Variants in SERPINI1 observed in about 807,000 individuals in gnomAD.
SERPINI1 encodes serpin family I member 1.
In SERPINI1, 19 loss-of-function variants were observed where a neutral mutation model predicts 41.1. The ratio of observed to expected loss-of-function variants is 0.46; its 90% CI spans 0.32 to 0.68. The LOEUF is 0.68. SERPINI1 is among the 30% of genes least tolerant of loss of function. The probability of loss-of-function intolerance (pLI) is 0.03; values close to 1 mark genes in which losing one functional copy is unlikely to be tolerated. For missense variants in SERPINI1, 460 were observed against 479.2 expected, an observed-to-expected ratio of 0.96 and a Z score of 0.37; for synonymous variants, 138 against 156.6, an observed-to-expected ratio of 0.88 and a Z score of 0.89.
chr3:167,766,224 T>TAA (rs34346585), intron 1 of SERPINI1, among the ~76,000 whole-genome samples: 4,459 of 126,058 alleles, frequency 0.035, 141 homozygotes, highest in African/African-American at 0.087. Context: ...GCAATTTACC[T>TAA]AAAAAAAAAA....
chr3:167,817,484 A>G (rs1272164821), intron 6 of SERPINI1, among the ~76,000 whole-genome samples: 3 of 152,102 alleles, frequency 2.0e-5, no homozygotes, highest in Admixed American at 2.0e-4. Flanking sequence ...GGAGTCTTTA[A>G]TTTCAAGGAT....
At chr3:167,794,959 C>T in intron 5 of SERPINI1, 135 bp downstream of exon 5, 1 of 708,962 alleles carries the variant, frequency 1.4e-6, no homozygotes, top group East Asian at 2.7e-5. Flanking sequence ...TGTTCTTCTC[C>T]TTCTCTTTCT....
Position 167,744,457 on chromosome 3 carries a change from G to A in SERPINI1, c.-19+8634G>A, listed in dbSNP as rs1725779585. ...AAAATAATGTTCAGGACACTAGGAA[G>A]GGTATCATCTAATTGTGAGAAATTT... is the stretch of plus-strand genomic sequence containing the variant. On this transcript the variant is annotated intron_variant, in intron 1 of 8. Transcript: ENST00000446050. Among the ~76,000 whole-genome samples, 3 of 151,078 alleles carry A rather than the reference G, an allele frequency of 2.0e-5. No individual in the cohort carries two copies. The South Asian group carries it at 6.2e-4, about 31-fold the overall frequency.
intron 5 of SERPINI1, among the ~76,000 whole-genome samples, chr3:167,802,432 A>G (rs1727930284): frequency 6.6e-6 from 1 of 150,646 alleles, no homozygotes; most frequent in Admixed American, 6.6e-5. Flanking sequence ...ATTTACAAGA[A>G]AAAAACAAAC....
chr3:167,772,388 G>A (rs1352935908), intron 1 of SERPINI1, among the ~76,000 whole-genome samples: 1 of 152,134 alleles, frequency 6.6e-6, no homozygotes, highest in Non-Finnish European at 1.5e-5. Flanking sequence ...TACTAGAAGT[G>A]AGGAAATGTG....
At chr3:167,812,256 T>C (rs746319004) in intron 6 of SERPINI1, among the ~76,000 whole-genome samples, 6 of 152,228 alleles carry the variant, frequency 3.9e-5, no homozygotes, top group Non-Finnish European at 7.3e-5. Flanking sequence ...TTCCAGTTCC[T>C]GTTCAAAGCC....
chr3:167,800,577 A>G (rs573678312), intron 5 of SERPINI1, among the ~76,000 whole-genome samples: 118 of 152,298 alleles, frequency 7.7e-4, no homozygotes, highest in Middle Eastern at 6.8e-3. Context: ...TTGGAAGCAG[A>G]TGTACCTTGC....
chr3:167,744,136 T>A (rs180825491), intron 1 of SERPINI1, among the ~76,000 whole-genome samples: 1 of 152,234 alleles, frequency 6.6e-6, no homozygotes, highest in East Asian at 1.9e-4. Flanking sequence ...CAGACAAAAC[T>A]GAGTTCAAAT....
chr3:167,789,048 C>T, intron 1 of SERPINI1, 63 bp from the exon 2 acceptor site: 1 of 1,510,370 alleles, frequency 6.6e-7, no homozygotes, highest in South Asian at 1.1e-5. Flanking sequence ...CCCAACATAT[C>T]CTTCCATGAG....
chr3:167,769,496 G>A (rs1726673749), intron 1 of SERPINI1, among the ~76,000 whole-genome samples: 1 of 152,122 alleles, frequency 6.6e-6, no homozygotes, highest in Non-Finnish European at 1.5e-5. Flanking sequence ...TAAAGTTTGT[G>A]CTTATTCTAG....
intron 6 of SERPINI1, among the ~76,000 whole-genome samples, chr3:167,819,205 A>C (rs1387630549): frequency 6.6e-6 from 1 of 152,064 alleles, no homozygotes; most frequent in African/African-American, 2.4e-5. Flanking sequence ...ATAGAGATGA[A>C]GTCTCACTAT....
In SERPINI1 at chr3:167,786,365, G is replaced by A. The variant is rs181777651; in HGVS notation, c.-18-2746G>A. ...TAAAAATACAAAAAAAAAATTAGCC[G>A]GGCGTTGTGGCAGGCGCCTGTAGTC... On this transcript the variant is annotated intron_variant, in intron 1 of 8. Coordinates refer to ENST00000446050, the MANE Select transcript of SERPINI1 (RefSeq NM_001122752.2). Among the ~76,000 whole-genome samples, 316 of 152,102 alleles carry A rather than the reference G, an allele frequency of 2.1e-3. 1 individual carries two copies. The highest frequency in any genetic ancestry group is 7.1e-3 in the African/African-American group (295 of 41,488).
At chr3:167,798,095 G>T (rs1404115011) in intron 5 of SERPINI1, among the ~76,000 whole-genome samples, 1 of 152,064 alleles carries the variant, frequency 6.6e-6, no homozygotes, top group Admixed American at 6.6e-5. Flanking sequence ...AATTCTAAAT[G>T]AATGCTTACT....
At chr3:167,760,564 TGTGTGTGTG>T (rs1726343870) in intron 1 of SERPINI1, among the ~76,000 whole-genome samples, 1 of 1,136 alleles carries the variant, frequency 8.8e-4, no homozygotes, top group African/African-American at 3.7e-3. Flanking sequence ...CTCCAAATTG[TGTGTGTGTG>T]TGTGTGTGTG....
intron 1 of SERPINI1, among the ~76,000 whole-genome samples, chr3:167,743,687 A>C (rs965339953): frequency 6.6e-6 from 1 of 152,272 alleles, no homozygotes; most frequent in South Asian, 2.1e-4. Context: ...AATATATAAA[A>C]TTACTGTCTG....
chr3:167,785,611 T>C lies in SERPINI1; in HGVS notation c.-18-3500T>C, dbSNP rs1727279449. Among the ~76,000 whole-genome samples, 2 of 152,224 alleles carry C rather than the reference T, an allele frequency of 1.3e-5. 1 individual carries two copies. Among genetic ancestry groups the C allele is most frequent in the Admixed American group, 1.3e-4 (2 of 15,288 alleles). ...TGGAGATAATAAGTGTCTGTACTTA[T>C]AAGGTGATTGCAAAGTTTAAATAAG... On this transcript the variant is annotated intron_variant, in intron 1 of 8. Transcript: ENST00000446050.
At chr3:167,760,363 A>G (rs535695442) in intron 1 of SERPINI1, among the ~76,000 whole-genome samples, 2 of 151,822 alleles carry the variant, frequency 1.3e-5, no homozygotes, top group South Asian at 2.1e-4. Context: ...ATATATATAT[A>G]TATATTCCTG....
intron 1 of SERPINI1, among the ~76,000 whole-genome samples, chr3:167,786,225 G>A (rs543853460): frequency 3.3e-5 from 5 of 152,270 alleles, no homozygotes; most frequent in South Asian, 4.1e-4. Flanking sequence ...AAGATAGGCC[G>A]GGTGTGGTGG....
intron 1 of SERPINI1, among the ~76,000 whole-genome samples, chr3:167,744,803 A>G (rs1478938095): frequency 7.9e-6 from 1 of 127,206 alleles, no homozygotes; most frequent in South Asian, 2.2e-4. Flanking sequence ...TATATATATA[A>G]TATATAAATA....
Sources: gnomAD v4.1 joint callset for allele counts (sites outside exome capture counted in the v4.1 genomes callset) on GRCh38, gnomAD v4.1.1 for gene constraint, MANE v1.5 for transcripts, NCBI Gene and HGNC (gene_info 2026-07-23, HGNC 2026-07-21) for gene names.